Variants in RUVBL2 observed in about 807,000 individuals in gnomAD.
The protein encoded by RUVBL2 is RuvB like AAA ATPase 2, also known as ruvB-like 2.
A neutral mutation model predicts 57.9 loss-of-function variants in RUVBL2; 9 were observed. The observed-to-expected ratio is 0.16, with a 90% confidence interval of 0.09 to 0.27. The LOEUF is 0.27. RUVBL2 is among the 10% of genes least tolerant of loss of function. The pLI is 1.00. For missense variants in RUVBL2, 456 were observed against 669.6 expected (o/e 0.68, Z 3.52); for synonymous variants, 278 against 264.6 (o/e 1.05, Z -0.49).
chr19:48,993,457 C>T (rs2122554082), upstream of RUVBL2: 1 of 429,150 alleles, frequency 2.3e-6, no homozygotes, highest in African/African-American at 2.0e-5. Flanking sequence ...TGTGTCCCGG[C>T]CCCGCCTCGG....
At position 49,010,642 on chromosome 19, in the gene RUVBL2, C is replaced by T. The variant is rs780624544; in HGVS notation, c.787+31C>T. On this transcript the variant is annotated intron_variant, in intron 9 of 14. Transcript: ENST00000595090. ...GCCCCTCCTGCCCTGCCCTGCCCTG[C>T]CCTGCCCCAGGCCTAGCAGCCTCCC... The T allele has an allele frequency of 7.4e-6, 12 of 1,611,560 alleles. No individual in the cohort carries two copies. The African/African-American group carries it at 1.6e-4, about 22-fold the overall frequency.
At chr19:49,010,262 G>A (rs1464346488) in intron 8 of RUVBL2, 196 bp downstream of exon 8, 4 of 695,302 alleles carry the variant, frequency 5.8e-6, no homozygotes, top group East Asian at 5.4e-5. Flanking sequence ...GGCCACATGT[G>A]GCCTGTGGCT....
In RUVBL2 at chr19:49,010,583, C is replaced by T. The variant is rs552000027; in HGVS notation, c.759C>T (p.Arg253=). ...ACGAGATCGACGTCATCAACTCTCG[C>T]ACCCAGGGCTTCCTGGCGCTCTTCT... The part of the protein sequence containing the change: ...SLHEIDVINS[R]TQGFLALFSG... Residue 253 remains arginine, a synonymous_variant, in exon 9 of 15, where the codon CGC becomes CGT. Coordinates refer to ENST00000595090, the MANE Select transcript of RUVBL2 (RefSeq NM_006666.3). The T allele has an allele frequency of 6.2e-7, 1 of 1,612,702 alleles. No homozygotes were observed. Among genetic ancestry groups the T allele is most frequent in the South Asian group, 1.1e-5 (1 of 91,066 alleles).
chr19:49,003,379 C>G, intron 3 of RUVBL2, 45 bp downstream of exon 3: 1 of 1,581,786 alleles, frequency 6.3e-7, no homozygotes, highest in Non-Finnish European at 8.7e-7. Context: ...CCATGAAGGT[C>G]TTGGGTAGTG....
chr19:48,993,825 G>T, upstream of RUVBL2: 1 of 1,541,676 alleles, frequency 6.5e-7, no homozygotes, highest in South Asian at 1.1e-5. Flanking sequence ...CGAGATCTTT[G>T]AAGAACCAGC....
Position 49,011,245 on chromosome 19 carries a change from C to T in RUVBL2, c.936C>T (p.Leu312=). ...TGGACATCGAGAGCTTCTCCTTCCT[C>T]AACCGGGCCCTGGAGAGTGACATGG... is the stretch of plus-strand genomic sequence containing the variant. The part of the protein sequence containing the change: ...HMLDIESFSF[L]NRALESDMAP... The change falls in exon 11 of 15, where the codon CTC becomes CTT. Residue 312 remains leucine, a synonymous_variant. Transcript: ENST00000595090. The surrounding 1 kb of genome is among the most constrained non-coding windows in gnomAD (Gnocchi z 4.4). 6.2e-7 allele frequency: 1 copy of T among 1,613,980 alleles called. No homozygotes were observed. Among genetic ancestry groups the T allele is most frequent in the Non-Finnish European group, 8.5e-7 (1 of 1,180,030 alleles).
rs765790631 is a variant in RUVBL2, at chr19:49,010,616, G to A, written c.787+5G>A. The A allele has an allele frequency of 6.2e-7, 1 of 1,613,294 alleles. No individual in the cohort carries two copies. Among genetic ancestry groups the A allele is most frequent in the African/African-American group, 1.3e-5 (1 of 74,866 alleles). ...GCTTCCTGGCGCTCTTCTCAGGTGA[G>A]GCCCCTCCTGCCCTGCCCTGCCCTG... On this transcript the variant is annotated splice_donor_5th_base_variant and intron_variant, in intron 9 of 14. Transcript: ENST00000595090.
At position 49,005,815 on chromosome 19, in the gene RUVBL2, T is replaced by C. The variant is rs570207620; in HGVS notation, c.266-1203T>C. 2.6e-5 allele frequency among the ~76,000 whole-genome samples: 4 copies of C among 152,326 alleles called. No homozygotes were observed. In the South Asian group the frequency reaches 8.3e-4, roughly 32 times the overall value. On this transcript the variant is annotated intron_variant, in intron 4 of 14. Coordinates refer to ENST00000595090, the MANE Select transcript of RUVBL2 (RefSeq NM_006666.3). ...CACACCCAACTGATTTTTGTATTTT[T>C]AGTAGAAATGGGATTTCACCATGTT...
intron 9 of RUVBL2, 105 bp from the exon 10 acceptor site, chr19:49,010,891 GCTC>G (rs2039410363): frequency 9.6e-7 from 1 of 1,043,402 alleles, no homozygotes; most frequent in Admixed American, 2.0e-5. Flanking sequence ...TCCTTGCTTT[GCTC>G]CCCTTCCTCC....
chr19:48,997,756 A>G (rs1423146736), intron 1 of RUVBL2, among the ~76,000 whole-genome samples: 3 of 151,812 alleles, frequency 2.0e-5, no homozygotes, highest in African/African-American at 4.8e-5. Context: ...GGTTGTTTCT[A>G]TCTTTTGGCT....
intron 2 of RUVBL2, among the ~76,000 whole-genome samples, chr19:49,002,990 T>A (rs1272763408): frequency 1.3e-5 from 2 of 152,210 alleles, no homozygotes; most frequent in Non-Finnish European, 2.9e-5. Flanking sequence ...GCCCTTGTGG[T>A]TAGATCTTAG....
chr19:49,010,467 T>TGGGG, intron 8 of RUVBL2, 21 bp from the exon 9 acceptor site: 85 of 1,400,770 alleles, frequency 6.1e-5, no homozygotes, highest in Non-Finnish European at 7.7e-5. Flanking sequence ...CCGCCGTTCT[T>TGGGG]CCCCCACCCC....
intron 4 of RUVBL2, among the ~76,000 whole-genome samples, chr19:49,005,149 A>G (rs2039258647): frequency 1.3e-5 from 2 of 152,028 alleles, no homozygotes; most frequent in Non-Finnish European, 2.9e-5. Context: ...TCAAAACCCT[A>G]CTTCAGCATC....
In RUVBL2 at chr19:49,015,679, C is replaced by G; in HGVS notation, c.1359C>G (p.Asn453Lys). Residue 453 changes from asparagine (N) to lysine (K), a missense_variant, in exon 14 of 15, where the codon AAC (asparagine) becomes AAG (lysine). Asn to Lys is a moderately conservative substitution (Grantham distance 94). Around this residue, in one of 5 missense-constraint regions of RUVBL2, gnomAD observed 67 missense variants for 71.5 expected, o/e 0.94. Coordinates refer to ENST00000595090, the MANE Select transcript of RUVBL2 (RefSeq NM_006666.3). ...AGTACCAGGACGCCTTCCTCTTCAACGAACTCAGTAAGAATCCCCACCCCG... is the reference window on the plus strand; with the variant it reads ...AGTACCAGGACGCCTTCCTCTTCAAGGAACTCAGTAAGAATCCCCACCCCG... ...MKEYQDAFLF[N>K]ELKGETMDTS The G allele has an allele frequency of 6.2e-7, 1 of 1,613,780 alleles. No homozygotes were observed. The highest frequency in any genetic ancestry group is 2.2e-5 in the East Asian group (1 of 44,882).
Position 49,011,941 on chromosome 19 carries a change from C to T in RUVBL2, c.1001+631C>T, listed in dbSNP as rs1031983144. The stretch of plus-strand genomic sequence containing the variant: ...TCGTCTCCCAGGTGTTGCCAGCACC[C>T]TGTGTAGCTGGGATTACGGGCACCT... On this transcript the variant is annotated intron_variant, in intron 11 of 14. Transcript: ENST00000595090. This position sits in a 1 kb window ranked among gnomAD's most constrained non-coding sequence, Gnocchi z 4.4. Among the ~76,000 whole-genome samples, 7 of 152,094 alleles carry T rather than the reference C, an allele frequency of 4.6e-5. No homozygotes were observed. Among genetic ancestry groups the T allele is most frequent in the African/African-American group, 1.7e-4 (7 of 41,448 alleles).
chr19:49,000,636 G>A (rs541190223), intron 2 of RUVBL2, among the ~76,000 whole-genome samples: 13 of 151,762 alleles, frequency 8.6e-5, no homozygotes, highest in South Asian at 8.3e-4. Flanking sequence ...AGGCCGAGGC[G>A]GGTGGATCAC....
At chr19:49,010,792 T>TGC (rs2039407195) in intron 9 of RUVBL2, among the ~76,000 whole-genome samples, 181 bp downstream of exon 9, 1 of 152,042 alleles carries the variant, frequency 6.6e-6, no homozygotes, top group Non-Finnish European at 1.5e-5. Context: ...CCCCTGCTGG[T>TGC]GCTGTGATGG....
At chr19:49,009,714 G>C in intron 6 of RUVBL2, 62 bp from the exon 7 acceptor site, 4 of 1,403,386 alleles carry the variant, frequency 2.9e-6, no homozygotes, top group Non-Finnish European at 4.0e-6. Flanking sequence ...TCAACACTGG[G>C]GGCACTGGGG....
intron 3 of RUVBL2, 140 bp downstream of exon 3, chr19:49,003,474 TG>T (rs2039223388): frequency 1.4e-6 from 1 of 716,294 alleles, no homozygotes; most frequent in Non-Finnish European, 2.4e-6. Context: ...CAACCACATG[TG>T]GGTTTTCTTG....
Sources: allele counts gnomAD v4.1 joint callset (sites outside exome capture counted in the v4.1 genomes callset), GRCh38; gene constraint gnomAD v4.1.1; regional missense constraint gnomAD v4.1.1; non-coding constraint Gnocchi (gnomAD v3.1); transcripts MANE v1.5; gene names NCBI Gene and HGNC (gene_info 2026-07-23, HGNC 2026-07-21).